The following GBP7 variants were observed in gnomAD, a reference collection of about 807,000 sequenced individuals.
GBP7 encodes guanylate-binding protein 7.
Under a neutral mutation model 61.3 loss-of-function variants are expected in GBP7, and 43 were observed. The observed-to-expected ratio is 0.70, with a 90% confidence interval of 0.55 to 0.91. The LOEUF is 0.91. Ranked by LOEUF, GBP7 falls within the 40% of genes least tolerant of loss-of-function variation. GBP7 has a pLI of 0.00. For synonymous variants in GBP7, 267 were observed against 271.0 expected, an observed-to-expected ratio of 0.99 and a Z score of 0.14; for missense variants, 717 against 740.5, an observed-to-expected ratio of 0.97 and a Z score of 0.37.
chr1:89,152,246 C>A, intron 5 of GBP7, 22 bp downstream of exon 5: 1 of 1,608,648 alleles, frequency 6.2e-7, no homozygotes, highest in South Asian at 1.1e-5. Context: ...AACCTTCTCC[C>A]ATCTAGGCCA....
At chr1:89,142,573 A>G (rs1681978597) in intron 8 of GBP7, among the ~76,000 whole-genome samples, 1 of 152,178 alleles carries the variant, frequency 6.6e-6, no homozygotes, top group Non-Finnish European at 1.5e-5. Flanking sequence ...AGAATTTGAA[A>G]CTTTAAGGGA....
chr1:89,152,016 G>A (rs376772374), intron 5 of GBP7, among the ~76,000 whole-genome samples: 2 of 152,036 alleles, frequency 1.3e-5, no homozygotes, highest in Non-Finnish European at 2.9e-5. Context: ...ATTTTTCATG[G>A]TACTTATTGG....
At chr1:89,166,489 G>A (rs1212727828) in intron 2 of GBP7, among the ~76,000 whole-genome samples, 4 of 152,208 alleles carry the variant, frequency 2.6e-5, no homozygotes, top group African/African-American at 9.6e-5. Context: ...AAGTGTTTCA[G>A]ATGGATGATG....
intron 9 of GBP7, among the ~76,000 whole-genome samples, chr1:89,136,244 A>C (rs1485882655): frequency 1.3e-5 from 2 of 152,214 alleles, no homozygotes; most frequent in East Asian, 3.8e-4. Flanking sequence ...TGACAATATT[A>C]GACAGATCAT....
At chr1:89,147,837 A>C (rs1414948163) in intron 7 of GBP7, 58 bp from the exon 8 acceptor site, 1 of 1,556,922 alleles carries the variant, frequency 6.4e-7, no homozygotes, top group Non-Finnish European at 8.8e-7. Flanking sequence ...GGAAGGTCCA[A>C]CTGTGATCCT....
Position 89,152,396 on chromosome 1 carries a change from G to A in GBP7, c.497C>T (p.Ser166Phe). The A allele has an allele frequency of 6.2e-7, 1 of 1,614,080 alleles. No individual in the cohort carries two copies. The highest frequency in any genetic ancestry group is 8.5e-7 in the Non-Finnish European group (1 of 1,180,012). The change falls in exon 5 of 11, where the codon TCC (serine) becomes TTC (phenylalanine). Residue 166 changes from serine (S) to phenylalanine (F), a missense_variant. Physicochemically the swap from Ser to Phe is radical, Grantham distance 155. Transcript: ENST00000294671. ...TGGAAAGAAACTCACAAACTCGCTG[G>A]AGTCCTCAACTTCATCAGGTCTGGG... ...SCPRPDEVED[S>F]SEFVSFFPDF...
intron 6 of GBP7, 113 bp from the exon 7 acceptor site, chr1:89,149,685 T>A (rs2100646361): frequency 1.2e-6 from 1 of 814,998 alleles, no homozygotes; most frequent in African/African-American, 1.7e-5. Flanking sequence ...ACATGAATTT[T>A]CCCTCCTTCT....
chr1:89,162,878 G>C (rs966746430), intron 3 of GBP7, among the ~76,000 whole-genome samples: 3 of 152,084 alleles, frequency 2.0e-5, no homozygotes, highest in Admixed American at 2.0e-4. Context: ...TGCCCATTTA[G>C]TATGATGTTG....
intron 3 of GBP7, among the ~76,000 whole-genome samples, chr1:89,155,749 A>T (rs2100651217): frequency 6.6e-6 from 1 of 152,346 alleles, no homozygotes; most frequent in Middle Eastern, 3.4e-3. Context: ...CCTGAAAGTG[A>T]TGGGGAGAAT....
At chr1:89,147,010 C>T (rs7515894) in intron 8 of GBP7, among the ~76,000 whole-genome samples, 130 of 152,314 alleles carry the variant, frequency 8.5e-4, no homozygotes, top group African/African-American at 3.1e-3. Context: ...CATGCATTCA[C>T]ATTTCTCAAT....
intron 8 of GBP7, among the ~76,000 whole-genome samples, chr1:89,145,639 A>G (rs1361308115): frequency 1.3e-5 from 2 of 152,190 alleles, no homozygotes; most frequent in Non-Finnish European, 2.9e-5. Flanking sequence ...GTTGGAGGAT[A>G]CAAAATTAGC....
chr1:89,153,887 G>A lies in GBP7; in HGVS notation c.319-1110C>T, dbSNP rs533243439. On this transcript the variant is annotated intron_variant, in intron 3 of 10. Transcript: ENST00000294671. ...GGACGTTAAGGAGTACATAAAATCA[G>A]GACTTGTGGAAATGAAAGAATTAAA... Among the ~76,000 whole-genome samples the A allele has an allele frequency of 2.0e-5, 3 of 152,266 alleles. No individual in the cohort carries two copies. The South Asian group carries it at 6.2e-4, about 32-fold the overall frequency.
At chr1:89,137,328 A>T (rs1019942477) in intron 9 of GBP7, among the ~76,000 whole-genome samples, 22 of 152,220 alleles carry the variant, frequency 1.4e-4, no homozygotes, top group Non-Finnish European at 2.4e-4. Flanking sequence ...TTCTGATTTT[A>T]AAAACCTGGC....
chr1:89,141,798 C>A, intron 8 of GBP7, 150 bp from the exon 9 acceptor site: 1 of 616,234 alleles, frequency 1.6e-6, no homozygotes. Flanking sequence ...CTTCCACAGC[C>A]ACAATAAAAA....
intron 7 of GBP7, 110 bp downstream of exon 7, chr1:89,149,182 C>A: frequency 4.5e-6 from 4 of 891,946 alleles, no homozygotes; most frequent in Middle Eastern, 3.7e-4. Flanking sequence ...TAAAATAATC[C>A]AATCTCCCTT....
At chr1:89,134,862 G>C (rs765256394) in intron 9 of GBP7, among the ~76,000 whole-genome samples, 6 of 152,132 alleles carry the variant, frequency 3.9e-5, no homozygotes, top group African/African-American at 7.2e-5. Context: ...GGCTGAAATA[G>C]TAGATATGGA....
At chr1:89,140,925 T>C (rs1189066757) in intron 9 of GBP7, among the ~76,000 whole-genome samples, 1 of 152,136 alleles carries the variant, frequency 6.6e-6, no homozygotes, top group Admixed American at 6.6e-5. Flanking sequence ...GAGGTCAATA[T>C]TCTAAGGGAA....
At chr1:89,159,927 C>T (rs1253387246) in intron 3 of GBP7, among the ~76,000 whole-genome samples, 3 of 152,072 alleles carry the variant, frequency 2.0e-5, no homozygotes, top group East Asian at 1.9e-4. Context: ...TTTATTTTGG[C>T]ACTATTCACA....
chr1:89,160,499 G>A (rs549994847), intron 3 of GBP7, among the ~76,000 whole-genome samples: 24 of 152,262 alleles, frequency 1.6e-4, no homozygotes, highest in South Asian at 4.1e-4. Context: ...CTGTGTGACC[G>A]TGGGCAAGTT....
Sources: gnomAD v4.1 joint callset for allele counts (sites outside exome capture counted in the v4.1 genomes callset) on GRCh38, gnomAD v4.1.1 for gene constraint, MANE v1.5 for transcripts, NCBI Gene and HGNC (gene_info 2026-07-23, HGNC 2026-07-21) for gene names.